FOXO3: variants seen among roughly 807,000 people sequenced by gnomAD.
FOXO3 encodes the protein forkhead box protein O3.
In FOXO3, 4 loss-of-function variants were observed where a neutral mutation model predicts 41.9. That is an observed-to-expected ratio of 0.10 (90% CI 0.05 to 0.22). FOXO3 has a LOEUF of 0.22. Ranked by LOEUF, FOXO3 falls within the 10% of genes least tolerant of loss-of-function variation. The pLI is 1.00. For synonymous variants in FOXO3, 318 were observed against 389.3 expected, an observed-to-expected ratio of 0.82 and a Z score of 2.16; for missense variants, 534 against 906.8, an observed-to-expected ratio of 0.59 and a Z score of 5.28.
intron 1 of FOXO3, among the ~76,000 whole-genome samples, chr6:108,575,236 T>A (rs1326503028): frequency 6.6e-6 from 1 of 152,208 alleles, no homozygotes; most frequent in Non-Finnish European, 1.5e-5. Flanking sequence ...TCATTGATTT[T>A]TAAAAATGAT....
intron 1 of FOXO3, among the ~76,000 whole-genome samples, chr6:108,587,204 C>T (rs1776606001): frequency 6.6e-6 from 1 of 152,026 alleles, no homozygotes; most frequent in Non-Finnish European, 1.5e-5. Context: ...TGACCAAGCT[C>T]ACCCAGCTTC....
At chr6:108,594,094 G>A (rs1030981540) in intron 1 of FOXO3, among the ~76,000 whole-genome samples, 2 of 152,138 alleles carry the variant, frequency 1.3e-5, no homozygotes, top group African/African-American at 4.8e-5. Context: ...AACTACCAAA[G>A]CAGTGAGGAG....
chr6:108,571,036 A>C (rs1181496631), intron 1 of FOXO3, among the ~76,000 whole-genome samples: 1 of 152,170 alleles, frequency 6.6e-6, no homozygotes, highest in Non-Finnish European at 1.5e-5. Flanking sequence ...ATGTTCATTT[A>C]TACCTAACAC....
intron 1 of FOXO3, among the ~76,000 whole-genome samples, chr6:108,598,378 C>T (rs1018178148): frequency 6.6e-6 from 1 of 152,072 alleles, no homozygotes; most frequent in Non-Finnish European, 1.5e-5. Flanking sequence ...CTGATAGGGA[C>T]ATTTGTAGGG....
intron 1 of FOXO3, among the ~76,000 whole-genome samples, chr6:108,631,334 A>AT (rs1562250984): frequency 6.6e-6 from 1 of 152,138 alleles, no homozygotes; most frequent in Non-Finnish European, 1.5e-5. Flanking sequence ...TGTGTTCTGG[A>AT]TGATTTAGGT....
intron 1 of FOXO3, chr6:108,656,381 A>G (rs1778688891): frequency 1.0e-6 from 1 of 985,342 alleles, no homozygotes. Context: ...CATGGTTTGG[A>G]AGGGCTGAAG....
rs553034685 is a variant in FOXO3 at position 108,620,333 on chromosome 6, G to T, written c.622-43122G>T. 4.3e-4 allele frequency among the ~76,000 whole-genome samples: 66 copies of T among 152,154 alleles called. 1 individual carries two copies. In the East Asian group the frequency reaches 0.011, roughly 24 times the overall value. On this transcript the variant is annotated intron_variant, in intron 1 of 2. Transcript: ENST00000406360. ...AACACTTTAATATGATACAATTTTT[G>T]TCTATCGTTTTTCTTAAATAGGAGG...
chr6:108,585,158 C>T (rs1281124105), intron 1 of FOXO3, among the ~76,000 whole-genome samples: 1 of 150,740 alleles, frequency 6.6e-6, no homozygotes, highest in Non-Finnish European at 1.5e-5. Flanking sequence ...TCTCCTGCCT[C>T]AGCCTCCCGA....
At chr6:108,668,579 C>A (rs1582834493) in intron 2 of FOXO3, among the ~76,000 whole-genome samples, 1 of 152,142 alleles carries the variant, frequency 6.6e-6, no homozygotes, top group Non-Finnish European at 1.5e-5. Context: ...ATCAAAGATG[C>A]CTGCATTCAC....
intron 1 of FOXO3, among the ~76,000 whole-genome samples, chr6:108,575,884 T>A (rs1315502855): frequency 6.6e-6 from 1 of 152,218 alleles, no homozygotes; most frequent in Non-Finnish European, 1.5e-5. Flanking sequence ...ACTCAAACAT[T>A]CTTTCAAATT....
chr6:108,617,626 GT>G (rs201587748), intron 1 of FOXO3, among the ~76,000 whole-genome samples: 1 of 152,132 alleles, frequency 6.6e-6, no homozygotes, highest in African/African-American at 2.4e-5. Flanking sequence ...ATTTTTATGG[GT>G]TTTTTGTTTG....
chr6:108,670,910 G>T (rs913367930), intron 2 of FOXO3, among the ~76,000 whole-genome samples: 1 of 152,208 alleles, frequency 6.6e-6, no homozygotes, highest in Non-Finnish European at 1.5e-5. Flanking sequence ...CTCAAGAAAG[G>T]CCTGAAATCA....
chr6:108,639,687 C>A, intron 1 of FOXO3: 1 of 360,494 alleles, frequency 2.8e-6, no homozygotes, highest in Non-Finnish European at 3.9e-6. Context: ...GATACTGCAA[C>A]TACTTACGCA....
chr6:108,658,672 G>A (rs61413991), intron 1 of FOXO3, among the ~76,000 whole-genome samples: 4,707 of 151,564 alleles, frequency 0.031, 238 homozygotes, highest in African/African-American at 0.11. Flanking sequence ...ATCTATCCCC[G>A]CTTGGCCTCC....
intron 1 of FOXO3, among the ~76,000 whole-genome samples, chr6:108,645,051 G>T (rs780242892): frequency 6.6e-6 from 1 of 152,134 alleles, no homozygotes; most frequent in South Asian, 2.1e-4. Context: ...GGCCTCTCCA[G>T]TTCTTCCACC....
intron 1 of FOXO3, among the ~76,000 whole-genome samples, chr6:108,600,972 G>A (rs562045993): frequency 6.6e-6 from 1 of 152,180 alleles, no homozygotes; most frequent in African/African-American, 2.4e-5. Context: ...ATACTGTCAA[G>A]ATACAGAACA....
upstream of FOXO3, among the ~76,000 whole-genome samples, chr6:108,560,708 C>A (rs1388217570): frequency 6.6e-6 from 1 of 152,118 alleles, no homozygotes; most frequent in Admixed American, 6.5e-5. Context: ...CACACCCGAG[C>A]TCGGGCTCTG....
chr6:108,636,876 C>A (rs1467731604), intron 1 of FOXO3, among the ~76,000 whole-genome samples: 3 of 152,176 alleles, frequency 2.0e-5, no homozygotes, highest in African/African-American at 7.2e-5. Flanking sequence ...GACCCTGGCA[C>A]CTGGGCAGCT....
intron 1 of FOXO3, among the ~76,000 whole-genome samples, chr6:108,586,481 A>G (rs909735271): frequency 3.3e-5 from 5 of 152,114 alleles, no homozygotes; most frequent in African/African-American, 9.7e-5. Flanking sequence ...ATGTTCATCT[A>G]TCTGGCCTTG....
Sources: allele counts gnomAD v4.1 joint callset (sites outside exome capture counted in the v4.1 genomes callset), GRCh38; gene constraint gnomAD v4.1.1; transcripts MANE v1.5; gene names NCBI Gene and HGNC (gene_info 2026-07-23, HGNC 2026-07-21).